Variants in SLC25A48 observed in about 807,000 individuals in gnomAD.
SLC25A48 encodes solute carrier family 25 member 48.
SLC25A48 carries 29 observed loss-of-function variants against 32.2 expected under a neutral mutation model. The ratio of observed to expected loss-of-function variants is 0.90; its 90% CI spans 0.67 to 1.23. The LOEUF (loss-of-function observed/expected upper bound fraction) is 1.23. Among genes scored for constraint, SLC25A48 ranks in the 50% most tolerant of loss-of-function variants. SLC25A48 has a pLI of 0.00. For missense variants in SLC25A48, 399 were observed against 422.7 expected (o/e 0.94, Z 0.49); for synonymous variants, 164 against 172.3 (o/e 0.95, Z 0.38).
intron 3 of SLC25A48, among the ~76,000 whole-genome samples, chr5:135,657,165 C>G (rs1175929817): frequency 6.6e-6 from 1 of 152,254 alleles, no homozygotes; most frequent in Non-Finnish European, 1.5e-5. Context: ...TTCTATTGAC[C>G]AACCCTGTAA....
chr5:135,633,809 C>T lies in SLC25A48; in HGVS notation c.-708-960C>T, dbSNP rs758237721. Reference sequence around the variant, plus strand: ...GGGAGGCTGATTTTCCTTTCCTCTTCTTGCATCAGTGATGTGGCAAATATA... The same window carrying T: ...GGGAGGCTGATTTTCCTTTCCTCTTTTTGCATCAGTGATGTGGCAAATATA... On this transcript the variant is annotated intron_variant, in intron 2 of 10. Transcript: ENST00000646290. 2.6e-5 allele frequency among the ~76,000 whole-genome samples: 4 copies of T among 152,152 alleles called. No individual in the cohort carries two copies. The South Asian group carries it at 8.3e-4, about 32-fold the overall frequency.
rs201506427 is a variant in SLC25A48 at position 135,611,624 on chromosome 5, ATCGTT to A, written c.-848-17611_-848-17607del. On this transcript the variant is annotated intron_variant, in intron 1 of 10. Coordinates refer to the SLC25A48 transcript ENST00000646290. ...CTACTAGGGAGGCTGAGGCATGAGA[ATCGTT>A]TGCACCTGGGAGGTGGAGGTTGCAG... Among the ~76,000 whole-genome samples, 1,180 of 151,906 alleles carry A rather than the reference ATCGTT, an allele frequency of 7.8e-3. 7 individuals carry two copies. Among genetic ancestry groups the A allele is most frequent in the Non-Finnish European group, 0.011 (747 of 67,964 alleles).
At chr5:135,777,074 G>A (rs1405278838) in intron 3 of SLC25A48, among the ~76,000 whole-genome samples, 6 of 151,434 alleles carry the variant, frequency 4.0e-5, no homozygotes, top group African/African-American at 1.5e-4. Flanking sequence ...TATCGCAGGG[G>A]TTGTACATTC....
intron 3 of SLC25A48, among the ~76,000 whole-genome samples, chr5:135,715,754 C>A (rs1294582537): frequency 1.3e-5 from 2 of 152,234 alleles, no homozygotes; most frequent in African/African-American, 4.8e-5. Context: ...ACTTGGATAA[C>A]ACTGCCTTTT....
chr5:135,679,499 C>G (rs545019185), intron 3 of SLC25A48, among the ~76,000 whole-genome samples: 86 of 152,298 alleles, frequency 5.6e-4, no homozygotes, highest in African/African-American at 2.0e-3. Context: ...TGGCAGTAAC[C>G]ATATGCAGGT....
chr5:135,650,543 AC>A (rs1753085167), intron 3 of SLC25A48: 3 of 372,060 alleles, frequency 8.1e-6, no homozygotes, highest in Non-Finnish European at 1.5e-5. Flanking sequence ...AAGTGCAGTC[AC>A]TGATGGAGTG....
Position 135,598,424 on chromosome 5 carries a change from A to AC in SLC25A48, c.-849+18829dup, listed in dbSNP as rs112030825. Among the ~76,000 whole-genome samples the AC allele has an allele frequency of 4.8e-3, 732 of 152,250 alleles. 6 individuals are homozygous for AC. Among genetic ancestry groups the AC allele is most frequent in the African/African-American group, 0.017 (701 of 41,534 alleles). On this transcript the variant is annotated intron_variant, in intron 1 of 10. Transcript: ENST00000646290. ...CACTAACATGTTCACCCAACCACTCACCAAGCTTTGTATAGCTTCTACAAT... is the reference window on the plus strand; with the variant it reads ...CACTAACATGTTCACCCAACCACTCACCCAAGCTTTGTATAGCTTCTACAAT...
chr5:135,690,916 T>G (rs1754128357), intron 3 of SLC25A48, among the ~76,000 whole-genome samples: 1 of 150,412 alleles, frequency 6.6e-6, no homozygotes, highest in African/African-American at 2.5e-5. Context: ...GGTCAGAATT[T>G]CTCCCAAAGT....
chr5:135,780,399 T>C (rs1450117633), intron 3 of SLC25A48, among the ~76,000 whole-genome samples: 1 of 116,878 alleles, frequency 8.6e-6, no homozygotes, highest in African/African-American at 2.6e-5. Flanking sequence ...TATTGTTTCT[T>C]ATATGCAGGC....
intron 3 of SLC25A48, among the ~76,000 whole-genome samples, chr5:135,663,184 C>A (rs1328322898): frequency 6.6e-6 from 1 of 152,176 alleles, no homozygotes; most frequent in Middle Eastern, 3.2e-3. Flanking sequence ...GCTGAATTTC[C>A]TGGTTTTCCT....
At chr5:135,850,101 G>A (rs1656352200) in intron 2 of SLC25A48, among the ~76,000 whole-genome samples, 1 of 152,308 alleles carries the variant, frequency 6.6e-6, no homozygotes, top group East Asian at 1.9e-4. Context: ...TTTGGAGGGT[G>A]GAGCGACAGA....
chr5:135,767,483 G>A (rs1756272999), intron 3 of SLC25A48, among the ~76,000 whole-genome samples: 1 of 151,818 alleles, frequency 6.6e-6, no homozygotes, highest in Admixed American at 6.6e-5. Flanking sequence ...ACACCCCCTG[G>A]TGATATTGTT....
At chr5:135,861,157 A>G (rs558971641) in intron 4 of SLC25A48, among the ~76,000 whole-genome samples, 8 of 152,306 alleles carry the variant, frequency 5.3e-5, no homozygotes, top group Middle Eastern at 3.4e-3. Context: ...AGATTTTAAG[A>G]AGCTGTGATC....
intron 3 of SLC25A48, among the ~76,000 whole-genome samples, chr5:135,730,311 C>T (rs556655938): frequency 6.6e-6 from 1 of 152,252 alleles, no homozygotes; most frequent in African/African-American, 2.4e-5. Flanking sequence ...GGGGCCAAGT[C>T]TTTCCCATGC....
At chr5:135,657,365 T>C (rs1397024460) in intron 3 of SLC25A48, among the ~76,000 whole-genome samples, 1 of 152,236 alleles carries the variant, frequency 6.6e-6, no homozygotes, top group African/African-American at 2.4e-5. Flanking sequence ...AGAACAGGGC[T>C]TTCTGTGGGA....
At chr5:135,852,000 GGAACCCCT>G (rs978845885) in intron 3 of SLC25A48, among the ~76,000 whole-genome samples, 15 of 152,166 alleles carry the variant, frequency 9.9e-5, no homozygotes, top group African/African-American at 3.6e-4. Flanking sequence ...GGGGGTCTAG[GGAACCCCT>G]GTCTTACACC....
At chr5:135,781,112 G>T (rs1475181823) in intron 3 of SLC25A48, among the ~76,000 whole-genome samples, 1 of 114,884 alleles carries the variant, frequency 8.7e-6, no homozygotes, top group Non-Finnish European at 2.1e-5. Context: ...GTTAATACTT[G>T]CAACATTGCA....
At position 135,635,495 on chromosome 5, in the gene SLC25A48, G is replaced by T. The variant is rs570061210; in HGVS notation, c.-521+539G>T. Among the ~76,000 whole-genome samples the T allele has an allele frequency of 2.0e-5, 3 of 152,292 alleles. No homozygotes were observed. In the South Asian group the frequency reaches 6.2e-4, roughly 32 times the overall value. On this transcript the variant is annotated intron_variant, in intron 3 of 10. Coordinates refer to the SLC25A48 transcript ENST00000646290. ...GGGATAAGAGATGTTTTGAAACCTT[G>T]GCACTAGAGGAGCCTTAGAGGTTAT...
chr5:135,881,313 G>A (rs962199077), intron 7 of SLC25A48, among the ~76,000 whole-genome samples: 1 of 152,228 alleles, frequency 6.6e-6, no homozygotes, highest in African/African-American at 2.4e-5. Context: ...TCCCCCGTGA[G>A]CTGGCAGGGG....
Sources: gnomAD v4.1 joint callset for allele counts (sites outside exome capture counted in the v4.1 genomes callset) on GRCh38, gnomAD v4.1.1 for gene constraint, MANE v1.5 for transcripts, NCBI Gene and HGNC (gene_info 2026-07-23, HGNC 2026-07-21) for gene names.